PCBP3: variants seen among roughly 807,000 people sequenced by gnomAD.
PCBP3 encodes poly(rC)-binding protein 3.
In PCBP3, 25 loss-of-function variants were observed where a neutral mutation model predicts 52.7. The observed-to-expected ratio is 0.47, with a 90% CI of 0.35 to 0.66. The LOEUF (loss-of-function observed/expected upper bound fraction) is 0.66, where lower values mean the gene tolerates loss of function less well. Ranked by LOEUF, PCBP3 falls within the 30% of genes least tolerant of loss-of-function variation. The pLI is 0.01. For missense variants in PCBP3, 391 were observed against 490.3 expected (o/e 0.80, Z 1.91); for synonymous variants, 162 against 183.0 (o/e 0.89, Z 0.93).
chr21:45,920,100 T>C (rs2074227900), intron 13 of PCBP3, among the ~76,000 whole-genome samples: 1 of 152,126 alleles, frequency 6.6e-6, no homozygotes. Flanking sequence ...AAAGGCAGTG[T>C]GCGGTGCCCT....
At chr21:45,824,298 C>A (rs2093245065) in intron 4 of PCBP3, among the ~76,000 whole-genome samples, 1 of 152,186 alleles carries the variant, frequency 6.6e-6, no homozygotes. Flanking sequence ...GCTTTTAGAA[C>A]ACTCCGAGTT....
intron 4 of PCBP3, chr21:45,828,211 A>T (rs913570378): frequency 6.6e-6 from 1 of 152,256 alleles, no homozygotes; most frequent in African/African-American, 2.4e-5. Flanking sequence ...ATGCATGAGC[A>T]GTAATTCAGT....
chr21:45,743,422 A>T (rs1180069212), intron 3 of PCBP3, among the ~76,000 whole-genome samples: 1 of 152,180 alleles, frequency 6.6e-6, no homozygotes, highest in Non-Finnish European at 1.5e-5. Flanking sequence ...CGTGTTTTTT[A>T]AAATCAAAAA....
intron 5 of PCBP3, among the ~76,000 whole-genome samples, chr21:45,875,188 G>A (rs2095210630): frequency 6.6e-6 from 1 of 152,112 alleles, no homozygotes; most frequent in African/African-American, 2.4e-5. Flanking sequence ...CACCGGGGCT[G>A]GGGGCCCTTC....
At chr21:45,730,060 G>A (rs1407613675) in intron 2 of PCBP3, among the ~76,000 whole-genome samples, 3 of 151,862 alleles carry the variant, frequency 2.0e-5, no homozygotes, top group African/African-American at 7.3e-5. Context: ...TCAGCTTATA[G>A]ATTTTTATTC....
intron 5 of PCBP3, among the ~76,000 whole-genome samples, chr21:45,876,907 C>G (rs1425237795): frequency 1.3e-5 from 2 of 152,230 alleles, no homozygotes; most frequent in African/African-American, 4.8e-5. Context: ...GCGAGGACCC[C>G]AGATGGCGCT....
At chr21:45,644,382 G>T (rs777027112) in intron 1 of PCBP3, among the ~76,000 whole-genome samples, 1 of 151,910 alleles carries the variant, frequency 6.6e-6, no homozygotes, top group Non-Finnish European at 1.5e-5. Context: ...GCGCGCGGGC[G>T]GTGGGGCGCG....
chr21:45,934,511 C>A (rs1569510979), intron 15 of PCBP3, among the ~76,000 whole-genome samples: 1 of 152,310 alleles, frequency 6.6e-6, no homozygotes, highest in East Asian at 1.9e-4. Flanking sequence ...TGTCACTCTT[C>A]AACAAAGAAA....
At chr21:45,822,209 G>A (rs1203553426) in intron 4 of PCBP3, among the ~76,000 whole-genome samples, 3 of 152,132 alleles carry the variant, frequency 2.0e-5, no homozygotes, top group African/African-American at 4.8e-5. Context: ...TGCAGGCACA[G>A]GCACCGGCAC....
At chr21:45,750,146 C>T (rs2087293341) in intron 3 of PCBP3, 1 of 152,228 alleles carries the variant, frequency 6.6e-6, no homozygotes, top group Non-Finnish European at 1.5e-5. Context: ...AACGCTCTGC[C>T]CCCACGTTGG....
chr21:45,845,065 T>C (rs1036171213), intron 4 of PCBP3, among the ~76,000 whole-genome samples: 1 of 152,252 alleles, frequency 6.6e-6, no homozygotes, highest in African/African-American at 2.4e-5. Flanking sequence ...TAAACTGTTC[T>C]CCCTAAAAGG....
intron 2 of PCBP3, among the ~76,000 whole-genome samples, chr21:45,707,268 C>T (rs2083510049): frequency 6.6e-6 from 1 of 152,122 alleles, no homozygotes. Flanking sequence ...GTAATCCCGG[C>T]ACTTTGGGAG....
intron 2 of PCBP3, among the ~76,000 whole-genome samples, chr21:45,722,886 A>G (rs888495614): frequency 6.6e-6 from 1 of 151,678 alleles, no homozygotes; most frequent in African/African-American, 2.4e-5. Context: ...GGTGGCGTTC[A>G]CCTGTAGTCC....
chr21:45,920,374 C>T (rs1415622868), intron 13 of PCBP3, among the ~76,000 whole-genome samples: 2 of 152,146 alleles, frequency 1.3e-5, no homozygotes, highest in African/African-American at 2.4e-5. Context: ...GCTTTTACTT[C>T]GATTGGTGGC....
rs1410028859 is a variant in PCBP3 at position 45,928,743 on chromosome 21, A to C, written c.718-1174A>C. Among the ~76,000 whole-genome samples the C allele has an allele frequency of 7.2e-5, 11 of 152,160 alleles. No individual in the cohort carries two copies. On this transcript the variant is annotated intron_variant, in intron 13 of 17. Transcript: ENST00000681687. The surrounding 1 kb of genome is among the most constrained non-coding windows in gnomAD (Gnocchi z 4.1). ...TCTGCCACCCATACCCTGTGCAGTG[A>C]GGAAGCTGAGGTGCCTGCCTGGCTG...
chr21:45,847,728 C>T (rs1378860694), intron 4 of PCBP3, among the ~76,000 whole-genome samples: 1 of 152,190 alleles, frequency 6.6e-6, no homozygotes, highest in Non-Finnish European at 1.5e-5. Flanking sequence ...ATAAGCTGGT[C>T]TTTTTGCCTG....
At position 45,830,529 on chromosome 21, in the gene PCBP3, G is replaced by T. The variant is rs11700736; in HGVS notation, c.-125-19432G>T. The T allele has an allele frequency of 0.16, 24,198 of 152,432 alleles. 2,543 individuals carry two copies. Among genetic ancestry groups the T allele is most frequent in the East Asian group, 0.43 (2,194 of 5,130 alleles). The allele number at this position is 152,432 out of a possible 1,614,324, so 9.4% of individuals were successfully genotyped here. ...GAGCCCTGCTGTGGGGGGTGTGTGCGCATGCTCAGCACAGCCTAGGGCAGG... is the reference window on the plus strand; with the variant it reads ...GAGCCCTGCTGTGGGGGGTGTGTGCTCATGCTCAGCACAGCCTAGGGCAGG... On this transcript the variant is annotated intron_variant, in intron 4 of 17. Coordinates refer to ENST00000681687, the MANE Select transcript of PCBP3 (RefSeq NM_001384156.1). This position sits in a 1 kb window ranked among gnomAD's most constrained non-coding sequence, Gnocchi z 4.4.
chr21:45,914,379 C>T (rs1253462666), intron 12 of PCBP3: 7 of 492,984 alleles, frequency 1.4e-5, no homozygotes, highest in East Asian at 1.4e-4. Context: ...TTGGAAACAG[C>T]ATGGTGAGAA....
chr21:45,715,676 C>G (rs2084170420), intron 2 of PCBP3, among the ~76,000 whole-genome samples: 1 of 152,156 alleles, frequency 6.6e-6, no homozygotes, highest in African/African-American at 2.4e-5. Flanking sequence ...TATTACCGTT[C>G]TAGTGAATGT....
Sources: gnomAD v4.1 joint callset for allele counts (sites outside exome capture counted in the v4.1 genomes callset) on GRCh38, gnomAD v4.1.1 for gene constraint, Gnocchi (gnomAD v3.1) non-coding constraint, MANE v1.5 for transcripts, NCBI Gene and HGNC (gene_info 2026-07-23, HGNC 2026-07-21) for gene names.